Variants in GNPTAB observed in about 807,000 individuals in gnomAD.
GNPTAB encodes the protein N-acetylglucosamine-1-phosphotransferase subunits alpha/beta.
Under a neutral mutation model 136.6 loss-of-function variants are expected in GNPTAB, and 92 were observed. The ratio of observed to expected loss-of-function variants is 0.67; its 90% CI spans 0.57 to 0.80. The LOEUF (loss-of-function observed/expected upper bound fraction) is 0.80. GNPTAB is among the 30% of genes least tolerant of loss of function. The probability of loss-of-function intolerance (pLI) is 0.00; values close to 1 mark genes in which losing one functional copy is unlikely to be tolerated. For synonymous variants in GNPTAB, 512 were observed against 535.1 expected, an observed-to-expected ratio of 0.96 and a Z score of 0.60; for missense variants, 1,343 against 1,501.8, an observed-to-expected ratio of 0.89 and a Z score of 1.75.
At chr12:101,759,978 C>T (rs910388719) in intron 16 of GNPTAB, 52 bp downstream of exon 16, 2 of 1,047,098 alleles carry the variant, frequency 1.9e-6, no homozygotes, top group Non-Finnish European at 3.0e-6. Flanking sequence ...GTAAGTAACA[C>T]TTGATAAGGA....
intron 1 of GNPTAB, among the ~76,000 whole-genome samples, chr12:101,811,129 C>T (rs1351352843): frequency 1.3e-5 from 2 of 152,218 alleles, no homozygotes; most frequent in Admixed American, 1.3e-4. Context: ...CAACCCCAAT[C>T]AGTTAACCAA....
At position 101,780,628 on chromosome 12, in the gene GNPTAB, C is replaced by T; in HGVS notation, c.572-7G>A. 6.3e-7 allele frequency: 1 copy of T among 1,592,420 alleles called. No individual in the cohort carries two copies. The highest frequency in any genetic ancestry group is 8.6e-7 in the Non-Finnish European group (1 of 1,160,454). On this transcript the variant is annotated splice_polypyrimidine_tract_variant and splice_region_variant and intron_variant, in intron 5 of 20. Transcript: ENST00000299314. ...CCAGAGTGGGCATCTTCAACTACAA[C>T]CAAGAATACAATAAACAAGCACATT...
At chr12:101,799,333 G>A (rs1869478572) in intron 1 of GNPTAB, among the ~76,000 whole-genome samples, 1 of 152,228 alleles carries the variant, frequency 6.6e-6, no homozygotes, top group African/African-American at 2.4e-5. Context: ...AAAATGTCAA[G>A]ATAACAGGAG....
In GNPTAB at chr12:101,764,816, A is replaced by G. The variant is rs753085858; in HGVS notation, c.2101T>C (p.Ser701Pro). ...EEVKIPLVNI[S>P]LLPKDAQLSL... Reference sequence around the variant, plus strand: ...AACTGGGCGTCTTTTGGAAGGAGTGAAATATTTACCAGGGGAATTTTCACC... The same window carrying G: ...AACTGGGCGTCTTTTGGAAGGAGTGGAATATTTACCAGGGGAATTTTCACC... The change falls in exon 13 of 21, where the codon TCA becomes CCA. Residue 701 changes from serine (S) to proline (P), a missense_variant. By Grantham distance (74) the Ser-to-Pro change is moderately conservative. Coordinates refer to ENST00000299314, the MANE Select transcript of GNPTAB (RefSeq NM_024312.5). 3.3e-5 allele frequency: 54 copies of G among 1,614,088 alleles called. No homozygotes were observed. Among genetic ancestry groups the G allele is most frequent in the Non-Finnish European group, 4.4e-5 (52 of 1,180,040 alleles).
intron 1 of GNPTAB, among the ~76,000 whole-genome samples, chr12:101,812,972 T>G (rs1322431860): frequency 6.8e-6 from 1 of 146,494 alleles, no homozygotes; most frequent in African/African-American, 2.6e-5. Flanking sequence ...CCCAGCTAAG[T>G]GTTTTTTGTG....
chr12:101,777,486 GCC>G (rs1313856701), intron 7 of GNPTAB, among the ~76,000 whole-genome samples: 1 of 152,132 alleles, frequency 6.6e-6, no homozygotes, highest in African/African-American at 2.4e-5. Context: ...CAGGCCTCCA[GCC>G]CTCTTGCTCA....
intron 1 of GNPTAB, among the ~76,000 whole-genome samples, chr12:101,817,899 C>T (rs1482128196): frequency 6.6e-6 from 1 of 152,218 alleles, no homozygotes; most frequent in East Asian, 1.9e-4. Context: ...TGCAATTCAT[C>T]TTCCACATTA....
chr12:101,760,048 G>C lies in GNPTAB; in HGVS notation c.3231C>G (p.Ser1077=), dbSNP rs1312514478. 1 of 1,607,656 alleles carries C rather than the reference G, an allele frequency of 6.2e-7. No homozygotes were observed. ...CACTTACCAGGTTGGGATCATAGTA[G>C]GATTCCTGAGTTGGTGGAATATTAT... ...QLNNIPPTQE[S]YYDPNLPPVT... Residue 1077 remains serine, a synonymous_variant, in exon 16 of 21, where the codon TCC becomes TCG. Coordinates refer to ENST00000299314, the MANE Select transcript of GNPTAB (RefSeq NM_024312.5).
At chr12:101,772,176 C>T (rs1272233765) in intron 7 of GNPTAB, among the ~76,000 whole-genome samples, 1 of 152,214 alleles carries the variant, frequency 6.6e-6, no homozygotes. Context: ...CTGTATCACA[C>T]AACTTCCTAT....
At chr12:101,786,734 A>G (rs1364137454) in intron 4 of GNPTAB, among the ~76,000 whole-genome samples, 2 of 152,242 alleles carry the variant, frequency 1.3e-5, no homozygotes, top group Admixed American at 6.5e-5. Context: ...ATTATAAGAA[A>G]TATCTACAAT....
At chr12:101,779,831 C>A (rs1204558035) in intron 7 of GNPTAB, 2 of 381,272 alleles carry the variant, frequency 5.2e-6, no homozygotes, top group East Asian at 1.3e-4. Context: ...GCCATACCAC[C>A]CTGAACGCAC....
intron 5 of GNPTAB, chr12:101,785,753 C>T (rs1391690211): frequency 2.1e-5 from 9 of 435,238 alleles, no homozygotes; most frequent in Non-Finnish European, 3.7e-5. Context: ...GCCAAGAGAA[C>T]AAGGTAATTG....
chr12:101,816,881 T>C (rs1004133365), intron 1 of GNPTAB, among the ~76,000 whole-genome samples: 1 of 152,228 alleles, frequency 6.6e-6, no homozygotes, highest in African/African-American at 2.4e-5. Context: ...AATAAAATCC[T>C]GTAATTTGCA....
Position 101,830,803 on chromosome 12 carries a change from G to C in GNPTAB, c.-128C>G, listed in dbSNP as rs1164854800. The C allele has an allele frequency of 3.0e-6, 1 of 332,890 alleles. No homozygotes were observed. Among genetic ancestry groups the C allele is most frequent in the Admixed American group, 5.4e-5 (1 of 18,576 alleles). The allele number at this position is 332,890 out of a possible 1,614,324, so 20.6% of individuals were successfully genotyped here. A position where few individuals can be genotyped will look rare whatever the true frequency, so the allele number is the denominator to read the frequency against. ...GCGCAGGTCACAGCCTCCGGGCGCC[G>C]CTCATTGCAGCTCCGGCGACGGACG... On this transcript the variant is annotated 5_prime_UTR_variant, in exon 1 of 21. Transcript: ENST00000299314.
chr12:101,788,683 A>G (rs1868812725), intron 3 of GNPTAB, 94 bp from the exon 4 acceptor site: 3 of 742,854 alleles, frequency 4.0e-6, no homozygotes, highest in Non-Finnish European at 7.4e-6. Context: ...AAACTTTCAT[A>G]TTTTATTAGT....
At chr12:101,771,211 C>G (rs1040501175) in intron 7 of GNPTAB, 54 bp from the exon 8 acceptor site, 11 of 1,438,992 alleles carry the variant, frequency 7.6e-6, no homozygotes, top group African/African-American at 1.4e-5. Context: ...AAGGATGAAG[C>G]ACCTTTAAAT....
At chr12:101,779,334 C>T (rs1214212026) in intron 7 of GNPTAB, 2 of 152,194 alleles carry the variant, frequency 1.3e-5, no homozygotes, top group South Asian at 2.1e-4. Context: ...GGGACATTCA[C>T]GATTTACAAC....
Position 101,790,002 on chromosome 12 carries a change from G to C in GNPTAB, c.259C>G (p.Leu87Val). ...TGCTGTAGTTCCTTCAGTAGTTCAA[G>C]ATCTGTGCCATTCACCCAGGTGTAA... The part of the protein sequence containing the change: ...VVYTWVNGTD[L>V]ELLKELQQVR... The change falls in exon 3 of 21, where the codon CTT (leucine) becomes GTT (valine). Residue 87 changes from leucine (L) to valine (V), a missense_variant. Leu to Val is a conservative substitution (Grantham distance 32). Coordinates refer to ENST00000299314, the MANE Select transcript of GNPTAB (RefSeq NM_024312.5). 1 of 1,614,114 alleles carries C rather than the reference G, an allele frequency of 6.2e-7. No homozygotes were observed. The highest frequency in any genetic ancestry group is 1.1e-5 in the South Asian group (1 of 91,080).
intron 10 of GNPTAB, 53 bp downstream of exon 10, chr12:101,769,968 G>T: frequency 6.5e-7 from 1 of 1,527,714 alleles, no homozygotes; most frequent in South Asian, 1.1e-5. Flanking sequence ...CTCATTTTCT[G>T]ATTTGCTAAG....
Sources: gnomAD v4.1 joint callset for allele counts (sites outside exome capture counted in the v4.1 genomes callset) on GRCh38, gnomAD v4.1.1 for gene constraint, MANE v1.5 for transcripts, NCBI Gene and HGNC (gene_info 2026-07-23, HGNC 2026-07-21) for gene names.